The following TENM4 variants were observed in gnomAD, a reference collection of about 807,000 sequenced individuals.
TENM4 encodes the protein teneurin-4.
A neutral mutation model predicts 243.3 loss-of-function variants in TENM4; 82 were observed. The ratio of observed to expected loss-of-function variants is 0.34; its 90% CI spans 0.28 to 0.40. The LOEUF (loss-of-function observed/expected upper bound fraction) is 0.40. Ranked by LOEUF, TENM4 falls within the 10% of genes least tolerant of loss-of-function variation. The pLI, the probability that TENM4 is intolerant of heterozygous loss-of-function variation, is 1.00. For synonymous variants in TENM4, 1,412 were observed against 1,456.3 expected (o/e 0.97, Z 0.69); for missense variants, 3,138 against 3,673.3 (o/e 0.85, Z 3.77).
chr11:78,972,987 C>G (rs1857577034), intron 6 of TENM4, among the ~76,000 whole-genome samples: 1 of 152,190 alleles, frequency 6.6e-6, no homozygotes, highest in Non-Finnish European at 1.5e-5. Flanking sequence ...AAGGGTTCAT[C>G]CAAATTGAAG....
chr11:79,088,266 C>T lies in TENM4; in HGVS notation c.-65-18257G>A, dbSNP rs530668880. ...AGGGCCCAGCCTGGCCTCTGCTGGCCGGCAATGGTCCAGATTGTCTAGTAT... is the reference window on the plus strand; with the variant it reads ...AGGGCCCAGCCTGGCCTCTGCTGGCTGGCAATGGTCCAGATTGTCTAGTAT... On this transcript the variant is annotated intron_variant, in intron 4 of 33. Coordinates refer to ENST00000278550, the MANE Select transcript of TENM4 (RefSeq NM_001098816.3). 3.2e-4 allele frequency among the ~76,000 whole-genome samples: 48 copies of T among 152,240 alleles called. No individual in the cohort carries two copies. In the South Asian group the frequency reaches 5.6e-3, roughly 18 times the overall value.
intron 9 of TENM4, among the ~76,000 whole-genome samples, chr11:78,875,171 G>C (rs1040094235): frequency 1.3e-5 from 2 of 152,170 alleles, no homozygotes; most frequent in African/African-American, 4.8e-5. Context: ...ACAGTACACG[G>C]GGCAGGACAG....
intron 6 of TENM4, among the ~76,000 whole-genome samples, chr11:78,964,474 A>C (rs1275099970): frequency 1.3e-5 from 2 of 152,186 alleles, no homozygotes; most frequent in Admixed American, 1.3e-4. Flanking sequence ...GCAGAAATAA[A>C]TGACCAAGGT....
chr11:79,026,267 G>T (rs1214216205), intron 6 of TENM4, among the ~76,000 whole-genome samples: 1 of 152,198 alleles, frequency 6.6e-6, no homozygotes, highest in Non-Finnish European at 1.5e-5. Context: ...AGTGATTACA[G>T]TAAAACCAAC....
In TENM4 at chr11:78,702,375, G is replaced by A. The variant is rs1329723538; in HGVS notation, c.4238C>T (p.Ala1413Val). Residue 1413 changes from alanine to valine, a missense_variant, in exon 28 of 34, where the codon GCC becomes GTC. Around this residue, in one of 2 missense-constraint regions of TENM4, gnomAD observed 2,467 missense variants for 3,059.1 expected, o/e 0.81. Coordinates refer to ENST00000278550, the MANE Select transcript of TENM4 (RefSeq NM_001098816.3). The stretch of plus-strand genomic sequence containing the variant: ...AAGTGAGTTGTCCATTGGGTTGATG[G>A]CTAAGTCTGTGGGCCACTCCAGGTG... ...QVHLEWPTDL[A>V]INPMDNSLYV... 3.1e-6 allele frequency: 5 copies of A among 1,612,952 alleles called. No individual in the cohort carries two copies. The African/African-American group carries it at 6.7e-5, about 22-fold the overall frequency.
intron 15 of TENM4, among the ~76,000 whole-genome samples, chr11:78,788,368 C>T (rs781378102): frequency 6.6e-6 from 1 of 152,232 alleles, no homozygotes; most frequent in Non-Finnish European, 1.5e-5. Context: ...GTACTTATTA[C>T]GTGCAGTAAC....
chr11:78,982,553 C>T (rs1857822913), intron 6 of TENM4, among the ~76,000 whole-genome samples: 1 of 152,244 alleles, frequency 6.6e-6, no homozygotes, highest in South Asian at 2.1e-4. Context: ...GGCCCTGCCC[C>T]TCTGGCTCTC....
At position 79,325,278 on chromosome 11, in the gene TENM4, C is replaced by T. The variant is rs531407773; in HGVS notation, c.-320-27735G>A. Reference sequence around the variant, plus strand: ...GCAGCTGACATCTAGAGGCCCAACACGGGCCATACATAGGCTACCTTCATC... The same window carrying T: ...GCAGCTGACATCTAGAGGCCCAACATGGGCCATACATAGGCTACCTTCATC... On this transcript the variant is annotated intron_variant, in intron 1 of 33. Transcript: ENST00000278550. Among the ~76,000 whole-genome samples, 268 of 152,248 alleles carry T rather than the reference C, an allele frequency of 1.8e-3. 2 individuals are homozygous for T. Among genetic ancestry groups the T allele is most frequent in the Admixed American group, 0.016 (249 of 15,294 alleles).
chr11:79,245,655 A>G (rs1855497872), intron 2 of TENM4, among the ~76,000 whole-genome samples: 1 of 152,118 alleles, frequency 6.6e-6, no homozygotes, highest in South Asian at 2.1e-4. Flanking sequence ...AAAGAAAACA[A>G]TTGGCCGGGT....
At chr11:79,082,943 T>A (rs1321975107) in intron 4 of TENM4, among the ~76,000 whole-genome samples, 1 of 152,126 alleles carries the variant, frequency 6.6e-6, no homozygotes, top group Admixed American at 6.5e-5. Context: ...GCCAGGCAAC[T>A]TTTATTTCAA....
intron 1 of TENM4, among the ~76,000 whole-genome samples, chr11:79,427,901 C>T (rs1314635426): frequency 6.6e-6 from 1 of 152,162 alleles, no homozygotes; most frequent in Admixed American, 6.5e-5. Flanking sequence ...CCACTATTTA[C>T]TCTGTCTACT....
In TENM4 at chr11:78,818,350, T is replaced by C. The variant is rs375252113; in HGVS notation, c.1682-3955A>G. 5.3e-5 allele frequency among the ~76,000 whole-genome samples: 8 copies of C among 152,196 alleles called. No homozygotes were observed. In the East Asian group the frequency reaches 1.3e-3, roughly 26 times the overall value. ...ATCATCTGCCGAAAAGCCTTCATAG[T>C]GAGAAAGGGACGAAAGCATATTTTC... On this transcript the variant is annotated intron_variant, in intron 12 of 33. Coordinates refer to ENST00000278550, the MANE Select transcript of TENM4 (RefSeq NM_001098816.3).
At chr11:79,124,221 G>A (rs972455971) in intron 4 of TENM4, among the ~76,000 whole-genome samples, 1 of 152,186 alleles carries the variant, frequency 6.6e-6, no homozygotes, top group African/African-American at 2.4e-5. Flanking sequence ...TTAATATTGA[G>A]TGCCAACTTG....
At chr11:78,822,575 G>A (rs1463723720) in intron 12 of TENM4, among the ~76,000 whole-genome samples, 1 of 152,132 alleles carries the variant, frequency 6.6e-6, no homozygotes. Flanking sequence ...GCCTGTTGTG[G>A]GGTGGGTAGA....
intron 6 of TENM4, among the ~76,000 whole-genome samples, chr11:79,042,158 C>G (rs139061453): frequency 6.6e-6 from 1 of 152,190 alleles, no homozygotes; most frequent in Non-Finnish European, 1.5e-5. Flanking sequence ...TAGGCTGACT[C>G]TCTTCTAAGC....
chr11:78,805,228 T>C (rs1397756083), intron 15 of TENM4, 64 bp downstream of exon 15: 1 of 662,532 alleles, frequency 1.5e-6, no homozygotes, highest in Admixed American at 6.4e-5. Context: ...GTCACGTGAT[T>C]GGTGACCATG....
At chr11:78,989,433 T>G (rs777185135) in intron 6 of TENM4, among the ~76,000 whole-genome samples, 1 of 152,232 alleles carries the variant, frequency 6.6e-6, no homozygotes, top group Non-Finnish European at 1.5e-5. Context: ...TTTTGTTTAA[T>G]CCCAGTAATC....
chr11:79,179,876 A>G (rs6592833), intron 3 of TENM4, among the ~76,000 whole-genome samples: 56,728 of 151,294 alleles, frequency 0.37, 11,767 homozygotes, highest in African/African-American at 0.48. Context: ...ATCAACAACC[A>G]TCCGATGAAA....
At chr11:79,254,914 G>C (rs376115195) in intron 2 of TENM4, among the ~76,000 whole-genome samples, 10 of 152,278 alleles carry the variant, frequency 6.6e-5, no homozygotes, top group East Asian at 1.9e-4. Flanking sequence ...GACAGTGGAG[G>C]TCGGGTAGAA....
Sources: allele counts gnomAD v4.1 joint callset (sites outside exome capture counted in the v4.1 genomes callset), GRCh38; gene constraint gnomAD v4.1.1; regional missense constraint gnomAD v4.1.1; transcripts MANE v1.5; gene names NCBI Gene and HGNC (gene_info 2026-07-23, HGNC 2026-07-21).